The following KCNB2 variants were observed in gnomAD, a reference collection of about 807,000 sequenced individuals.
KCNB2 encodes delayed rectifier potassium channel protein.
A neutral mutation model predicts 61.5 loss-of-function variants in KCNB2; 15 were observed. That is an observed-to-expected ratio of 0.24 (90% confidence interval 0.16 to 0.38). The LOEUF (loss-of-function observed/expected upper bound fraction) is 0.38. KCNB2 is among the 10% of genes least tolerant of loss of function. The pLI is 1.00. For missense variants in KCNB2, 828 were observed against 1,125.2 expected (o/e 0.74, Z 3.78); for synonymous variants, 457 against 446.0 (o/e 1.02, Z -0.31).
intron 2 of KCNB2, among the ~76,000 whole-genome samples, chr8:72,638,584 TG>T (rs1806005458): frequency 1.3e-5 from 2 of 152,164 alleles, no homozygotes; most frequent in South Asian, 4.1e-4. Flanking sequence ...ATTTTTAAGC[TG>T]GCCATAAAGT....
chr8:72,623,791 A>G (rs1387734091), intron 2 of KCNB2, among the ~76,000 whole-genome samples: 4 of 152,208 alleles, frequency 2.6e-5, no homozygotes, highest in South Asian at 4.1e-4. Context: ...TATTTAATAC[A>G]TGAGAAGATG....
At chr8:72,846,665 C>T (rs943633071) in intron 2 of KCNB2, among the ~76,000 whole-genome samples, 3 of 152,164 alleles carry the variant, frequency 2.0e-5, no homozygotes, top group Admixed American at 6.5e-5. Flanking sequence ...AAATGCTTAT[C>T]ATCACTGGCC....
intron 2 of KCNB2, among the ~76,000 whole-genome samples, chr8:72,804,605 C>T (rs1451496558): frequency 1.3e-5 from 2 of 152,174 alleles, no homozygotes; most frequent in East Asian, 3.9e-4. Context: ...CCCCAACTCC[C>T]CTGAGGTTAA....
rs546445877 is a variant in KCNB2, at chr8:72,927,634, A to G, written c.580-8301A>G. Among the ~76,000 whole-genome samples the G allele has an allele frequency of 5.3e-5, 8 of 152,210 alleles. No individual in the cohort carries two copies. In the South Asian group the frequency reaches 8.3e-4, roughly 16 times the overall value. On this transcript the variant is annotated intron_variant, in intron 2 of 2. Transcript: ENST00000523207. Reference sequence around the variant, plus strand: ...CTACACTACTCAATTCTCTGAAATCAAGGCTCTCGCAATTGGTTGTGCAAG... The same window carrying G: ...CTACACTACTCAATTCTCTGAAATCGAGGCTCTCGCAATTGGTTGTGCAAG...
intron 2 of KCNB2, among the ~76,000 whole-genome samples, chr8:72,729,675 G>A (rs1242091964): frequency 6.6e-6 from 1 of 152,206 alleles, no homozygotes; most frequent in East Asian, 1.9e-4. Flanking sequence ...CCTGAGGTCA[G>A]GAGTTCGAGA....
chr8:72,795,939 A>T (rs1254025853), intron 2 of KCNB2, among the ~76,000 whole-genome samples: 2 of 152,240 alleles, frequency 1.3e-5, no homozygotes, highest in Non-Finnish European at 2.9e-5. Context: ...AAAGCAGTAA[A>T]GTCTTTTTCC....
chr8:72,583,604 T>G (rs1806945368), intron 2 of KCNB2, among the ~76,000 whole-genome samples: 1 of 152,164 alleles, frequency 6.6e-6, no homozygotes. Flanking sequence ...CCCTGAAAGA[T>G]CATGGGAAGC....
intron 2 of KCNB2, among the ~76,000 whole-genome samples, chr8:72,897,333 C>T (rs982156674): frequency 1.6e-4 from 24 of 152,156 alleles, no homozygotes; most frequent in African/African-American, 5.8e-4. Context: ...AATTAAGCCT[C>T]CAGATCCTAA....
intron 2 of KCNB2, among the ~76,000 whole-genome samples, chr8:72,677,956 C>G (rs1341921188): frequency 6.6e-6 from 1 of 152,174 alleles, no homozygotes; most frequent in Non-Finnish European, 1.5e-5. Flanking sequence ...GGACCTCACT[C>G]TTCAATTCAA....
intron 2 of KCNB2, among the ~76,000 whole-genome samples, chr8:72,665,129 A>T (rs188491814): frequency 1.2e-3 from 190 of 152,334 alleles, no homozygotes; most frequent in African/African-American, 4.1e-3. Flanking sequence ...TGCTTGCCAT[A>T]ATCTCACTTG....
intron 1 of KCNB2, among the ~76,000 whole-genome samples, chr8:72,565,500 G>A (rs1356712107): frequency 6.6e-6 from 1 of 152,090 alleles, no homozygotes; most frequent in African/African-American, 2.4e-5. Context: ...GAAGCTCTAT[G>A]ATTTTCTGCA....
intron 2 of KCNB2, among the ~76,000 whole-genome samples, chr8:72,785,745 T>G (rs2128998278): frequency 1.3e-5 from 2 of 152,248 alleles, no homozygotes; most frequent in East Asian, 3.9e-4. Flanking sequence ...CATAAATCCG[T>G]TTTTCCTTTG....
chr8:72,621,356 ATC>A (rs901274917), intron 2 of KCNB2, among the ~76,000 whole-genome samples: 1 of 152,134 alleles, frequency 6.6e-6, no homozygotes, highest in African/African-American at 2.4e-5. Flanking sequence ...CAGCTTCCAG[ATC>A]TGTTTTCTCA....
intron 2 of KCNB2, among the ~76,000 whole-genome samples, chr8:72,715,098 C>A (rs1039557355): frequency 5.9e-5 from 9 of 152,176 alleles, no homozygotes; most frequent in Non-Finnish European, 1.0e-4. Flanking sequence ...ATCAATTCAA[C>A]AAGAAGAACT....
intron 2 of KCNB2, among the ~76,000 whole-genome samples, chr8:72,600,647 C>T (rs1315978260): frequency 6.6e-6 from 1 of 151,398 alleles, no homozygotes; most frequent in Non-Finnish European, 1.5e-5. Flanking sequence ...CCATGGAATA[C>T]CATACAGCCA....
In KCNB2 at chr8:72,690,781, G is replaced by A. The variant is rs180861842; in HGVS notation, c.579+122468G>A. ...TTTAATTCAGATGCCCATGAGGGAA[G>A]CATGTAGAACTGTCTTTTCAGTATG... On this transcript the variant is annotated intron_variant, in intron 2 of 2. Coordinates refer to ENST00000523207, the MANE Select transcript of KCNB2 (RefSeq NM_004770.3). 6.6e-5 allele frequency among the ~76,000 whole-genome samples: 10 copies of A among 152,336 alleles called. No homozygotes were observed. In the East Asian group the frequency reaches 1.9e-3, roughly 29 times the overall value.
At chr8:72,561,707 A>C (rs181241716) in intron 1 of KCNB2, among the ~76,000 whole-genome samples, 4 of 31,776 alleles carry the variant, frequency 1.3e-4, no homozygotes, top group South Asian at 7.2e-4. Context: ...ATATATATAT[A>C]TATATATATA....
At chr8:72,671,525 C>G (rs1298141154) in intron 2 of KCNB2, among the ~76,000 whole-genome samples, 2 of 152,086 alleles carry the variant, frequency 1.3e-5, no homozygotes, top group Non-Finnish European at 2.9e-5. Context: ...GAAAAAGAGC[C>G]TTACCACTGA....
chr8:72,649,151 G>A (rs1806176307), intron 2 of KCNB2, among the ~76,000 whole-genome samples: 1 of 152,064 alleles, frequency 6.6e-6, no homozygotes, highest in Admixed American at 6.6e-5. Context: ...GTATTTTACA[G>A]AATGGAATAA....
Sources: allele counts gnomAD v4.1 joint callset (sites outside exome capture counted in the v4.1 genomes callset), GRCh38; gene constraint gnomAD v4.1.1; transcripts MANE v1.5; gene names NCBI Gene and HGNC (gene_info 2026-07-23, HGNC 2026-07-21).